TULP4: variants seen among roughly 807,000 people sequenced by gnomAD.
The protein encoded by TULP4 is tubby-related protein 4.
A neutral mutation model predicts 129.0 loss-of-function variants in TULP4; 16 were observed. The ratio of observed to expected loss-of-function variants is 0.12; its 90% CI spans 0.08 to 0.19. TULP4 has a LOEUF of 0.19. Ranked by LOEUF, TULP4 falls within the 10% of genes least tolerant of loss-of-function variation. The pLI is 1.00. For synonymous variants in TULP4, 998 were observed against 854.0 expected, an observed-to-expected ratio of 1.17 and a Z score of -2.94; for missense variants, 1,842 against 2,059.1, an observed-to-expected ratio of 0.89 and a Z score of 2.04.
At chr6:158,239,686 G>T (rs1329574128) in intron 1 of TULP4, among the ~76,000 whole-genome samples, 2 of 65,500 alleles carry the variant, frequency 3.1e-5, no homozygotes, top group African/African-American at 5.0e-5. Context: ...CCGGGCAGAG[G>T]GGCTCCTCAC....
intron 1 of TULP4, among the ~76,000 whole-genome samples, chr6:158,249,985 T>A (rs2128451561): frequency 6.6e-6 from 1 of 152,238 alleles, no homozygotes; most frequent in South Asian, 2.1e-4. Flanking sequence ...ACTGCTTCTT[T>A]TTTTGAGACG....
chr6:158,344,747 A>G (rs1780262843), intron 1 of TULP4, among the ~76,000 whole-genome samples: 1 of 152,168 alleles, frequency 6.6e-6, no homozygotes, highest in African/African-American at 2.4e-5. Flanking sequence ...CCCTACGGTG[A>G]TCTCTAAGTG....
intron 1 of TULP4, among the ~76,000 whole-genome samples, chr6:158,412,556 A>ATT (rs36044322): frequency 2.6e-5 from 4 of 151,488 alleles, no homozygotes; most frequent in Non-Finnish European, 4.4e-5. Flanking sequence ...TCAAGTATGT[A>ATT]TTTTTTTTTC....
intron 1 of TULP4, among the ~76,000 whole-genome samples, chr6:158,337,089 TC>T (rs1780058285): frequency 3.0e-5 from 1 of 33,794 alleles, no homozygotes; most frequent in Non-Finnish European, 7.0e-5. Context: ...TCTTTCTGTC[TC>T]TCTCTCTCTC....
chr6:158,317,943 G>A (rs10945540), intron 1 of TULP4, among the ~76,000 whole-genome samples: 104,611 of 152,082 alleles, frequency 0.69, 36,237 homozygotes, highest in East Asian at 0.89. Flanking sequence ...TCTTTTGGCT[G>A]CATAAATGTC....
At chr6:158,271,546 C>T (rs1778547621) in intron 1 of TULP4, among the ~76,000 whole-genome samples, 1 of 151,992 alleles carries the variant, frequency 6.6e-6, no homozygotes, top group South Asian at 2.1e-4. Flanking sequence ...GATCCTCCCA[C>T]CTCAGCCTCT....
intron 3 of TULP4, among the ~76,000 whole-genome samples, chr6:158,442,978 C>T (rs1351468208): frequency 1.1e-4 from 16 of 151,658 alleles, no homozygotes; most frequent in Middle Eastern, 3.4e-3. Flanking sequence ...CCACCATCCT[C>T]GGCTTGTTTG....
At chr6:158,309,489 G>C (rs1583728415), upstream of TULP4, among the ~76,000 whole-genome samples, 1 of 150,732 alleles carries the variant, frequency 6.6e-6, no homozygotes. Context: ...CAGACGGGGT[G>C]GCGGCCGGGC....
chr6:158,479,673 A>C, intron 6 of TULP4, 78 bp from the exon 7 acceptor site: 1 of 1,378,820 alleles, frequency 7.3e-7, no homozygotes, highest in Non-Finnish European at 1.0e-6. Flanking sequence ...ATTTTGCTCG[A>C]GACAAGTGTG....
intron 2 of TULP4, among the ~76,000 whole-genome samples, chr6:158,417,284 C>T (rs543339200): frequency 7.2e-5 from 11 of 152,196 alleles, no homozygotes; most frequent in African/African-American, 2.4e-4. Flanking sequence ...GTGTTTCTTT[C>T]CATTGAGGGT....
At chr6:158,489,508 T>G (rs1314523425) in intron 8 of TULP4, 80 bp from the exon 9 acceptor site, 1 of 1,559,368 alleles carries the variant, frequency 6.4e-7, no homozygotes, top group Non-Finnish European at 8.8e-7. Flanking sequence ...TCCGTCTGTC[T>G]TTTAGTTTAT....
Position 158,439,178 on chromosome 6 carries a change from A to AAT in TULP4, c.543+9282_543+9283insTA, listed in dbSNP as rs71951940. ...AGAGCAAGACTCCGTCTCAAAAAAA[A>AAT]AATAATAATAATTTACCGATATTTG... On this transcript the variant is annotated intron_variant, in intron 3 of 13. Coordinates refer to ENST00000367097, the MANE Select transcript of TULP4 (RefSeq NM_020245.5). Among the ~76,000 whole-genome samples, 1,107 of 151,906 alleles carry AAT rather than the reference A, an allele frequency of 7.3e-3. 5 individuals are homozygous for AAT. The highest frequency in any genetic ancestry group is 0.011 in the East Asian group (58 of 5,158).
Position 158,506,888 on chromosome 6 carries a change from A to T in TULP4, c.*194A>T, listed in dbSNP as rs1780617788. On this transcript the variant is annotated 3_prime_UTR_variant, in exon 14 of 14. Transcript: ENST00000367097. The stretch of plus-strand genomic sequence containing the variant: ...ATTTGGTTGGGTTTTATTACCTTTT[A>T]TTGTCTGTTCTTCTTTTCTTCTTTC... 3 of 574,194 alleles carry T rather than the reference A, an allele frequency of 5.2e-6. No homozygotes were observed. Among genetic ancestry groups the T allele is most frequent in the Non-Finnish European group, 6.2e-6 (2 of 322,372 alleles). 35.6% of individuals were successfully genotyped at this position (574,194 alleles called of 1,614,324 possible). A position where few individuals can be genotyped will look rare whatever the true frequency, so the allele number is the denominator to read the frequency against.
chr6:158,446,539 CAG>C (rs1369598084), intron 3 of TULP4, among the ~76,000 whole-genome samples: 2 of 152,198 alleles, frequency 1.3e-5, no homozygotes, highest in Non-Finnish European at 2.9e-5. Flanking sequence ...CCTTTCAATG[CAG>C]AGTCATTTCC....
intron 4 of TULP4, 89 bp downstream of exon 4, chr6:158,449,265 T>G: frequency 7.2e-7 from 1 of 1,383,488 alleles, no homozygotes; most frequent in Non-Finnish European, 9.7e-7. Context: ...GGAGGGAGGG[T>G]GAAGGGCCGC....
chr6:158,303,535 G>A (rs1006488559), intron 1 of TULP4, among the ~76,000 whole-genome samples: 1 of 152,062 alleles, frequency 6.6e-6, no homozygotes, highest in Non-Finnish European at 1.5e-5. Context: ...CACGACAAAG[G>A]GCAAAAGCAG....
intron 1 of TULP4, among the ~76,000 whole-genome samples, chr6:158,270,577 C>T (rs1253201218): frequency 6.6e-6 from 1 of 152,160 alleles, no homozygotes; most frequent in Non-Finnish European, 1.5e-5. Flanking sequence ...ACTCAGTTAG[C>T]GTCTCTGGCC....
chr6:158,387,707 TCTTAA>T (rs750449080), intron 1 of TULP4, among the ~76,000 whole-genome samples: 9 of 152,198 alleles, frequency 5.9e-5, no homozygotes, highest in Non-Finnish European at 8.8e-5. Context: ...TTCTTTTTTT[TCTTAA>T]CTTAAAGCTA....
At chr6:158,425,348 G>A (rs962696780) in intron 2 of TULP4, among the ~76,000 whole-genome samples, 5 of 150,186 alleles carry the variant, frequency 3.3e-5, no homozygotes, top group African/African-American at 4.9e-5. Flanking sequence ...ACCTCGTCTC[G>A]ACTAAAAATA....
Sources: gnomAD v4.1 joint callset for allele counts (sites outside exome capture counted in the v4.1 genomes callset) on GRCh38, gnomAD v4.1.1 for gene constraint, MANE v1.5 for transcripts, NCBI Gene and HGNC (gene_info 2026-07-23, HGNC 2026-07-21) for gene names.